Variants in GPA33 observed in about 807,000 individuals in gnomAD.
GPA33 encodes glycoprotein A33, also known as cell surface A33 antigen.
Under a neutral mutation model 35.6 loss-of-function variants are expected in GPA33, and 27 were observed. The observed-to-expected ratio is 0.76, with a 90% CI of 0.56 to 1.04. The LOEUF (loss-of-function observed/expected upper bound fraction) is 1.04, where lower values mean the gene tolerates loss of function less well. Among genes scored for constraint, GPA33 ranks in the 50% least tolerant of loss-of-function variants. The probability of loss-of-function intolerance (pLI) is 0.00; values close to 1 mark genes in which losing one functional copy is unlikely to be tolerated. For missense variants in GPA33, 428 were observed against 411.9 expected (o/e 1.04, Z -0.34); for synonymous variants, 176 against 164.0 (o/e 1.07, Z -0.56).
chr1:167,080,196 T>G (rs184520593), intron 1 of GPA33, among the ~76,000 whole-genome samples: 2 of 152,110 alleles, frequency 1.3e-5, no homozygotes, highest in Non-Finnish European at 2.9e-5. Context: ...TCTCCCCTAC[T>G]CTCCTTGTCA....
At chr1:167,062,699 C>G (rs1416628956) in intron 4 of GPA33, among the ~76,000 whole-genome samples, 1 of 130,572 alleles carries the variant, frequency 7.7e-6, no homozygotes, top group African/African-American at 2.8e-5. Context: ...CAATACCAAG[C>G]TGCCCAGTAC....
chr1:167,055,394 C>T (rs6666045), intron 5 of GPA33, among the ~76,000 whole-genome samples: 59,310 of 151,988 alleles, frequency 0.39, 12,548 homozygotes, highest in South Asian at 0.6. Context: ...TGGTGTCTCA[C>T]CCCAGAAGGA....
At chr1:167,064,368 C>T (rs1666543416) in intron 3 of GPA33, among the ~76,000 whole-genome samples, 1 of 152,052 alleles carries the variant, frequency 6.6e-6, no homozygotes, top group Admixed American at 6.6e-5. Flanking sequence ...AGGACACTTG[C>T]TCATAGGTAC....
chr1:167,056,622 G>GTGTGT (rs1558001687), intron 4 of GPA33, among the ~76,000 whole-genome samples: 2 of 19,604 alleles, frequency 1.0e-4, no homozygotes, highest in African/African-American at 1.6e-4. Context: ...TGTGTGTGGT[G>GTGTGT]AGTGTGTGAT....
chr1:167,063,073 C>T (rs895165162), intron 4 of GPA33, among the ~76,000 whole-genome samples: 50 of 152,360 alleles, frequency 3.3e-4, no homozygotes, highest in African/African-American at 1.1e-3. Context: ...GCTTCCGCTA[C>T]GCGCTTTACA....
chr1:167,072,233 G>A (rs1397669512), intron 2 of GPA33, among the ~76,000 whole-genome samples: 1 of 151,658 alleles, frequency 6.6e-6, no homozygotes, highest in Non-Finnish European at 1.5e-5. Context: ...TAAGTGGTCG[G>A]GGACCTAATG....
chr1:167,068,925 G>C lies in GPA33; in HGVS notation c.412C>G (p.Leu138Val). The C allele has an allele frequency of 1.9e-6, 3 of 1,611,268 alleles. No individual in the cohort carries two copies. The highest frequency in any genetic ancestry group is 2.5e-6 in the Non-Finnish European group (3 of 1,178,730). The change falls in exon 3 of 7, where the codon CTC (leucine) becomes GTC (valine). Residue 138 changes from leucine (L) to valine (V), a missense_variant. By Grantham distance (32) the Leu-to-Val change is conservative (BLOSUM62 1). Transcript: ENST00000367868. ...NTKSRVRLLV[L>V]VPPSKPECGI... is the part of the protein sequence containing the mutation. ...TGAAAGACATGAAGACACTCACCGA[G>C]GACCAACAGGCGGACACGTGACTTG...
chr1:167,082,697 G>T (rs1666975302), intron 1 of GPA33, among the ~76,000 whole-genome samples: 1 of 152,190 alleles, frequency 6.6e-6, no homozygotes, highest in African/African-American at 2.4e-5. Context: ...ATACATTGGT[G>T]GACACGTGCA....
In GPA33 at chr1:167,054,037, C is replaced by T. The variant is rs189874689; in HGVS notation, c.*297G>A. ...GCTCAGCGCTGTGCTTCCAGGAGCT[C>T]CTGCCAACTACGAGGGAAGTGGAGG... On this transcript the variant is annotated 3_prime_UTR_variant, in exon 7 of 7. Transcript: ENST00000367868. 1.4e-3 allele frequency: 582 copies of T among 413,584 alleles called. No homozygotes were observed. The highest frequency in any genetic ancestry group is 0.011 in the African/African-American group (533 of 49,324). 25.6% of individuals were successfully genotyped at this position (413,584 alleles called of 1,614,324 possible).
At chr1:167,065,396 T>C (rs1666569488) in intron 3 of GPA33, among the ~76,000 whole-genome samples, 1 of 152,194 alleles carries the variant, frequency 6.6e-6, no homozygotes, top group Non-Finnish European at 1.5e-5. Context: ...GCATGAAGCA[T>C]GCTTGAGACT....
chr1:167,063,662 G>C lies in GPA33; in HGVS notation c.491C>G (p.Ser164Ter). The C allele has an allele frequency of 1.9e-6, 3 of 1,613,672 alleles. No individual in the cohort carries two copies. Among genetic ancestry groups the C allele is most frequent in the Non-Finnish European group, 2.5e-6 (3 of 1,179,898 alleles). ...CTGAGGGGTTGGTGAGCCCTCCTTT[G>C]ATTGGCAGGTCAGCTGGATGTTGTT... Reference protein sequence around the residue: ...IGNNIQLTCQSKEGSPTPQYS... With the variant: ...IGNNIQLTCQ The change falls in exon 4 of 7, where the codon TCA (serine) becomes TGA (stop). Residue 164 changes from serine to a stop codon, truncating the protein, a stop_gained. Coordinates refer to ENST00000367868, the MANE Select transcript of GPA33 (RefSeq NM_005814.3). LOFTEE classifies it high-confidence loss of function.
chr1:167,063,793 C>A, intron 3 of GPA33, 56 bp from the exon 4 acceptor site: 1 of 1,419,948 alleles, frequency 7.0e-7, no homozygotes, highest in Non-Finnish European at 9.9e-7. Context: ...TTGGTGACAG[C>A]CACCCACCCC....
chr1:167,065,249 C>T (rs1666566468), intron 3 of GPA33, among the ~76,000 whole-genome samples: 1 of 152,172 alleles, frequency 6.6e-6, no homozygotes, highest in Non-Finnish European at 1.5e-5. Context: ...GCCCCAAACC[C>T]AAGATCAGCT....
chr1:167,064,443 A>G (rs1340728148), intron 3 of GPA33, among the ~76,000 whole-genome samples: 1 of 152,184 alleles, frequency 6.6e-6, no homozygotes, highest in Non-Finnish European at 1.5e-5. Context: ...CCACCAGCCC[A>G]TATGAGCTCC....
chr1:167,085,723 T>G (rs1376832674), intron 1 of GPA33, among the ~76,000 whole-genome samples: 2 of 152,186 alleles, frequency 1.3e-5, no homozygotes, highest in African/African-American at 4.8e-5. Context: ...CCCCCTAAAT[T>G]GAGGGAATTG....
intron 3 of GPA33, 41 bp from the exon 4 acceptor site, chr1:167,063,778 G>A: frequency 1.3e-6 from 2 of 1,580,560 alleles, no homozygotes; most frequent in Non-Finnish European, 1.7e-6. Context: ...TGAGGCAGGT[G>A]GGGCTTGGTG....
intron 4 of GPA33, among the ~76,000 whole-genome samples, chr1:167,056,718 G>GA (rs1666288770): frequency 8.9e-4 from 5 of 5,590 alleles, no homozygotes; most frequent in Admixed American, 1.9e-3. Flanking sequence ...TAGTGTGTGT[G>GA]TAGTGTGTGA....
At chr1:167,066,849 A>C (rs1021936203) in intron 3 of GPA33, among the ~76,000 whole-genome samples, 4 of 152,154 alleles carry the variant, frequency 2.6e-5, no homozygotes, top group African/African-American at 7.2e-5. Flanking sequence ...CCGGAGCCCC[A>C]GTTTTCCCAG....
chr1:167,054,329 G>A lies in GPA33; in HGVS notation c.*5C>T. 2.5e-6 allele frequency: 4 copies of A among 1,613,974 alleles called. No homozygotes were observed. Among genetic ancestry groups the A allele is most frequent in the Non-Finnish European group, 3.4e-6 (4 of 1,179,962 alleles). ...CTTCCTCCGCCGCCCTCTGCTGCTG[G>A]CCTGTCACTGGTCGAGGTGGTCCGG... On this transcript the variant is annotated 3_prime_UTR_variant, in exon 7 of 7. Coordinates refer to ENST00000367868, the MANE Select transcript of GPA33 (RefSeq NM_005814.3).
Sources: allele counts gnomAD v4.1 joint callset (sites outside exome capture counted in the v4.1 genomes callset), GRCh38; gene constraint gnomAD v4.1.1; transcripts MANE v1.5; gene names NCBI Gene and HGNC (gene_info 2026-07-23, HGNC 2026-07-21).